PSKH2: variants seen among roughly 807,000 people sequenced by gnomAD.
PSKH2 encodes the protein serine/threonine-protein kinase H2.
PSKH2 carries 16 observed loss-of-function variants against 22.5 expected under a neutral mutation model. The observed-to-expected ratio is 0.71, with a 90% CI of 0.48 to 1.08. The LOEUF is 1.08. Ranked by LOEUF, PSKH2 falls within the 50% of genes least tolerant of loss-of-function variation. The pLI is 0.00. For missense variants in PSKH2, 516 were observed against 492.8 expected (o/e 1.05, Z -0.44); for synonymous variants, 188 against 184.8 (o/e 1.02, Z -0.14).
intron 2 of PSKH2, among the ~76,000 whole-genome samples, chr8:86,054,523 G>T (rs936221028): frequency 3.9e-5 from 6 of 152,048 alleles, no homozygotes; most frequent in Non-Finnish European, 5.9e-5. Flanking sequence ...GGAAGCAGAA[G>T]ATTCCATATA....
At chr8:86,049,742 GAAAGAAAC>G (rs756026155) in intron 2 of PSKH2, among the ~76,000 whole-genome samples, 4,396 of 24,906 alleles carry the variant, frequency 0.18, 467 homozygotes, top group Non-Finnish European at 0.23. Flanking sequence ...AAGAAAGAAA[GAAAGAAAC>G]GAAAGAAAGA....
At chr8:86,062,493 G>A (rs578069154) in intron 2 of PSKH2, among the ~76,000 whole-genome samples, 1 of 152,260 alleles carries the variant, frequency 6.6e-6, no homozygotes, top group East Asian at 1.9e-4. Context: ...GTGTCAGGAG[G>A]GGAACGAAGT....
intron 2 of PSKH2, among the ~76,000 whole-genome samples, chr8:86,056,100 G>T (rs1817695153): frequency 1.3e-5 from 2 of 151,908 alleles, no homozygotes; most frequent in African/African-American, 4.8e-5. Flanking sequence ...ACCAGCCTGG[G>T]CAACATAACA....
At chr8:86,055,108 T>C (rs766318468) in intron 2 of PSKH2, among the ~76,000 whole-genome samples, 3 of 152,188 alleles carry the variant, frequency 2.0e-5, no homozygotes, top group African/African-American at 4.8e-5. Context: ...TATTTATAAC[T>C]AGTTCTTGCA....
chr8:86,064,003 T>G lies in PSKH2; in HGVS notation c.814A>C (p.Arg272=), dbSNP rs1003768289. 6 of 1,613,678 alleles carry G rather than the reference T, an allele frequency of 3.7e-6. No homozygotes were observed. The highest frequency in any genetic ancestry group is 5.1e-6 in the Non-Finnish European group (6 of 1,179,832). ...TTATATTTGCCTTTCAGAATCTTCC[T>G]GTAAAGCCTTGTCTGGCTTTCATCA... is the stretch of plus-strand genomic sequence containing the variant. ...FDDESQTRLY[R]KILKGKYNYT... The change falls in exon 2 of 3, where the codon AGG becomes CGG. Residue 272 remains arginine (R), a synonymous_variant. Coordinates refer to ENST00000276616, the MANE Select transcript of PSKH2 (RefSeq NM_033126.3).
At chr8:86,052,697 T>C (rs1817649709) in intron 2 of PSKH2, among the ~76,000 whole-genome samples, 1 of 152,174 alleles carries the variant, frequency 6.6e-6, no homozygotes, top group Non-Finnish European at 1.5e-5. Context: ...CCAATTCCAT[T>C]CACAATAGCA....
At chr8:86,058,210 T>A (rs913491124) in intron 2 of PSKH2, among the ~76,000 whole-genome samples, 13 of 152,316 alleles carry the variant, frequency 8.5e-5, no homozygotes, top group Middle Eastern at 3.4e-3. Flanking sequence ...CTTCCATCCC[T>A]TCTCCACCAT....
chr8:86,065,110 C>A (rs982027508), intron 1 of PSKH2, among the ~76,000 whole-genome samples: 2 of 152,174 alleles, frequency 1.3e-5, no homozygotes, highest in Non-Finnish European at 2.9e-5. Flanking sequence ...CTACCAATTT[C>A]TTTCCTTCCT....
chr8:86,069,834 GA>G (rs1817922441), upstream of PSKH2: 1 of 522,178 alleles, frequency 1.9e-6, no homozygotes, highest in Admixed American at 4.1e-5. Context: ...TGTGTAATCT[GA>G]CGTGATGAAA....
Position 86,064,288 on chromosome 8 carries a change from G to A in PSKH2, c.529C>T (p.Leu177=). 6.2e-7 allele frequency: 1 copy of A among 1,613,984 alleles called. No homozygotes were observed. Among genetic ancestry groups the A allele is most frequent in the Non-Finnish European group, 8.5e-7 (1 of 1,179,914 alleles). Residue 177 remains leucine, a synonymous_variant, in exon 2 of 3, where the codon CTG becomes TTG. Coordinates refer to ENST00000276616, the MANE Select transcript of PSKH2 (RefSeq NM_033126.3). ...TTTAGATTCCTATGAGTTATCTGCA[G>A]CGCATGCAAATACCTAATCCCATCA... is the stretch of plus-strand genomic sequence containing the variant. ...VADGIRYLHA[L]QITHRNLKPE...
At chr8:86,058,449 G>A (rs1202145461) in intron 2 of PSKH2, among the ~76,000 whole-genome samples, 2 of 152,154 alleles carry the variant, frequency 1.3e-5, no homozygotes, top group African/African-American at 2.4e-5. Flanking sequence ...AGTTATATCT[G>A]AGATACACTT....
intron 2 of PSKH2, among the ~76,000 whole-genome samples, chr8:86,059,888 G>A (rs1817753220): frequency 6.6e-6 from 1 of 152,124 alleles, no homozygotes; most frequent in Admixed American, 6.5e-5. Flanking sequence ...ACATAACAGT[G>A]GCTCTGAAAG....
At chr8:86,058,256 A>G (rs760916355) in intron 2 of PSKH2, among the ~76,000 whole-genome samples, 1 of 152,186 alleles carries the variant, frequency 6.6e-6, no homozygotes, top group Non-Finnish European at 1.5e-5. Context: ...CTCCTCCAGC[A>G]TTGCAGAAAA....
chr8:86,056,005 T>G (rs1817694094), intron 2 of PSKH2, among the ~76,000 whole-genome samples: 1 of 151,284 alleles, frequency 6.6e-6, no homozygotes, highest in Non-Finnish European at 1.5e-5. Context: ...TGTGTGTGTT[T>G]AGGCCAGGCA....
intron 2 of PSKH2, among the ~76,000 whole-genome samples, chr8:86,055,160 G>A (rs1452538208): frequency 6.6e-6 from 1 of 152,090 alleles, no homozygotes; most frequent in African/African-American, 2.4e-5. Flanking sequence ...TATAAACATA[G>A]TATTAATATT....
At chr8:86,057,194 G>T (rs1311909617) in intron 2 of PSKH2, among the ~76,000 whole-genome samples, 1 of 151,568 alleles carries the variant, frequency 6.6e-6, no homozygotes, top group Non-Finnish European at 1.5e-5. Context: ...AAAGCACTGG[G>T]ATTATAAATA....
intron 2 of PSKH2, among the ~76,000 whole-genome samples, chr8:86,052,850 C>A (rs1429988145): frequency 1.3e-5 from 2 of 152,094 alleles, no homozygotes; most frequent in African/African-American, 4.8e-5. Context: ...ATATTTCAGG[C>A]CTTTTTCCCC....
Position 86,064,490 on chromosome 8 carries a change from C to T in PSKH2, c.327G>A (p.Leu109=), listed in dbSNP as rs1193997341. The T allele has an allele frequency of 5.6e-6, 9 of 1,613,950 alleles. No homozygotes were observed. Among genetic ancestry groups the T allele is most frequent in the African/African-American group, 1.3e-5 (1 of 74,886 alleles). The change falls in exon 2 of 3, where the codon CTG becomes CTA. Residue 109 remains leucine (L), a synonymous_variant. Transcript: ENST00000276616. ...GATGGCTAACCCGCCGCAGGACGCT[C>T]AGCTCAGACACGCACGCTTCTCTAC... ...REGREACVSE[L]SVLRRVSHRY...
intron 2 of PSKH2, among the ~76,000 whole-genome samples, chr8:86,055,067 T>G (rs1226387891): frequency 6.6e-6 from 1 of 152,180 alleles, no homozygotes; most frequent in Admixed American, 6.5e-5. Flanking sequence ...AACTGGTGCT[T>G]ATAGTATAAA....
Sources: allele counts gnomAD v4.1 joint callset (sites outside exome capture counted in the v4.1 genomes callset), GRCh38; gene constraint gnomAD v4.1.1; transcripts MANE v1.5; gene names NCBI Gene and HGNC (gene_info 2026-07-23, HGNC 2026-07-21).